The following KCNQ3 variants were observed in gnomAD, a reference collection of about 807,000 sequenced individuals.
The protein encoded by KCNQ3 is potassium voltage-gated channel subfamily KQT member 3.
A neutral mutation model predicts 92.5 loss-of-function variants in KCNQ3; 30 were observed. That is an observed-to-expected ratio of 0.32 (90% confidence interval 0.24 to 0.44). The LOEUF (loss-of-function observed/expected upper bound fraction) is 0.44. KCNQ3 is among the 20% of genes least tolerant of loss of function. The pLI is 1.00. For missense variants in KCNQ3, 913 were observed against 1,140.3 expected (o/e 0.80, Z 2.87); for synonymous variants, 450 against 468.8 (o/e 0.96, Z 0.52).
intron 1 of KCNQ3, among the ~76,000 whole-genome samples, chr8:132,395,073 G>C (rs1170450325): frequency 6.6e-6 from 1 of 152,146 alleles, no homozygotes; most frequent in Non-Finnish European, 1.5e-5. Flanking sequence ...CTTCATTACT[G>C]TTCCCTTCCA....
At chr8:132,142,001 T>C (rs1030188251) in intron 9 of KCNQ3, among the ~76,000 whole-genome samples, 1 of 152,238 alleles carries the variant, frequency 6.6e-6, no homozygotes, top group African/African-American at 2.4e-5. Context: ...TATATCCTGT[T>C]ATTTCAAGGT....
chr8:132,292,855 T>A (rs193214075), intron 1 of KCNQ3, among the ~76,000 whole-genome samples: 2 of 152,278 alleles, frequency 1.3e-5, no homozygotes, highest in African/African-American at 4.8e-5. Context: ...CAGAAGACCC[T>A]AATCCAGAGA....
intron 1 of KCNQ3, among the ~76,000 whole-genome samples, chr8:132,285,439 T>C (rs1219650153): frequency 6.6e-6 from 1 of 152,238 alleles, no homozygotes; most frequent in East Asian, 1.9e-4. Flanking sequence ...ACTGTGTCCA[T>C]GCCCTAGGGC....
intron 9 of KCNQ3, among the ~76,000 whole-genome samples, chr8:132,147,083 C>T (rs1825473666): frequency 6.6e-6 from 1 of 151,748 alleles, no homozygotes; most frequent in Admixed American, 6.6e-5. Context: ...CCATGGGAAG[C>T]AAAAACAACA....
rs150534806 is a variant in KCNQ3, at chr8:132,353,304, G to C, written c.386+126843C>G. 4.4e-3 allele frequency among the ~76,000 whole-genome samples: 670 copies of C among 152,090 alleles called. 3 individuals carry two copies. The highest frequency in any genetic ancestry group is 0.014 in the African/African-American group (589 of 41,484). ...GGGAGGAGGCAGAGGGTGGAAAGAA[G>C]GGAAGGGAAAGGAAGGGAAGGAAGG... On this transcript the variant is annotated intron_variant, in intron 1 of 14. Coordinates refer to ENST00000388996, the MANE Select transcript of KCNQ3 (RefSeq NM_004519.4).
intron 1 of KCNQ3, among the ~76,000 whole-genome samples, chr8:132,338,391 G>A (rs969290576): frequency 3.0e-4 from 45 of 152,200 alleles, no homozygotes; most frequent in African/African-American, 8.0e-4. Context: ...TTTCCTACCT[G>A]TGTGAGCTTG....
At chr8:132,453,863 A>G (rs1821880546) in intron 1 of KCNQ3, among the ~76,000 whole-genome samples, 1 of 152,212 alleles carries the variant, frequency 6.6e-6, no homozygotes, top group African/African-American at 2.4e-5. Context: ...AGCGCCTGCC[A>G]GAAGCGTGTC....
chr8:132,458,592 C>T (rs548874041), intron 1 of KCNQ3, among the ~76,000 whole-genome samples: 23 of 152,164 alleles, frequency 1.5e-4, no homozygotes, highest in Non-Finnish European at 2.8e-4. Flanking sequence ...GTAGCTGGGA[C>T]TACAGACATG....
At chr8:132,306,802 G>A (rs980157390) in intron 1 of KCNQ3, among the ~76,000 whole-genome samples, 1 of 152,138 alleles carries the variant, frequency 6.6e-6, no homozygotes, top group Non-Finnish European at 1.5e-5. Context: ...CATTTCTGGG[G>A]GAAAAGTAAT....
intron 1 of KCNQ3, among the ~76,000 whole-genome samples, chr8:132,434,240 T>A (rs1231998555): frequency 1.3e-5 from 2 of 150,576 alleles, no homozygotes; most frequent in African/African-American, 4.9e-5. Context: ...ATAATAATAA[T>A]AAACAAATAT....
At chr8:132,144,428 C>T (rs1825392057) in intron 9 of KCNQ3, among the ~76,000 whole-genome samples, 1 of 152,332 alleles carries the variant, frequency 6.6e-6, no homozygotes, top group Middle Eastern at 3.4e-3. Context: ...GTATGGATTT[C>T]CAGTGCATAA....
intron 1 of KCNQ3, among the ~76,000 whole-genome samples, chr8:132,313,419 T>G (rs1388695494): frequency 6.6e-6 from 1 of 152,236 alleles, no homozygotes; most frequent in Non-Finnish European, 1.5e-5. Context: ...AATGCAAATT[T>G]TTTTTTAATG....
At chr8:132,179,519 G>A (rs1044063942) in intron 4 of KCNQ3, among the ~76,000 whole-genome samples, 2 of 152,146 alleles carry the variant, frequency 1.3e-5, no homozygotes, top group Non-Finnish European at 2.9e-5. Flanking sequence ...CATGGGATGA[G>A]CTAGTCCTTG....
At chr8:132,230,725 T>G (rs1814618783) in intron 1 of KCNQ3, among the ~76,000 whole-genome samples, 2 of 152,202 alleles carry the variant, frequency 1.3e-5, no homozygotes, top group African/African-American at 4.8e-5. Flanking sequence ...CCAAACTGAT[T>G]TTGTGTGTGT....
intron 1 of KCNQ3, among the ~76,000 whole-genome samples, chr8:132,284,877 T>G (rs1447952572): frequency 2.0e-5 from 3 of 152,238 alleles, no homozygotes; most frequent in African/African-American, 7.2e-5. Context: ...TTAATTCCCA[T>G]GAGGGTGAGC....
chr8:132,326,651 G>A lies in KCNQ3; in HGVS notation c.387-140470C>T, dbSNP rs73710541. Among the ~76,000 whole-genome samples the A allele has an allele frequency of 4.0e-3, 604 of 152,242 alleles. 1 individual carries two copies. The highest frequency in any genetic ancestry group is 0.014 in the African/African-American group (568 of 41,542). ...TGATCTCTTCCCTCCCCACTGCCAG[G>A]CAAGACACAGTGCTCCTCTCCAGAG... On this transcript the variant is annotated intron_variant, in intron 1 of 14. Transcript: ENST00000388996.
At chr8:132,417,361 G>A (rs918622925) in intron 1 of KCNQ3, among the ~76,000 whole-genome samples, 2 of 152,104 alleles carry the variant, frequency 1.3e-5, no homozygotes, top group Non-Finnish European at 2.9e-5. Flanking sequence ...AGGGGACCAA[G>A]TCCTCTCCTC....
intron 4 of KCNQ3, among the ~76,000 whole-genome samples, chr8:132,179,093 G>A (rs943165396): frequency 3.3e-5 from 5 of 149,814 alleles, no homozygotes; most frequent in Non-Finnish European, 5.9e-5. Flanking sequence ...TTCTCCTCTC[G>A]GGATTTTTTT....
chr8:132,446,602 A>G lies in KCNQ3; in HGVS notation c.386+33545T>C, dbSNP rs1367259123. Among the ~76,000 whole-genome samples the G allele has an allele frequency of 4.6e-5, 7 of 152,218 alleles. No homozygotes were observed. In the East Asian group the frequency reaches 1.3e-3, roughly 29 times the overall value. On this transcript the variant is annotated intron_variant, in intron 1 of 14. Coordinates refer to ENST00000388996, the MANE Select transcript of KCNQ3 (RefSeq NM_004519.4). The stretch of plus-strand genomic sequence containing the variant: ...CAAGCAAGGCAACCAGGATGAGTCT[A>G]TGTGTCAGCAAAAATTCCCAGGCAA...
Sources: gnomAD v4.1 joint callset for allele counts (sites outside exome capture counted in the v4.1 genomes callset) on GRCh38, gnomAD v4.1.1 for gene constraint, MANE v1.5 for transcripts, NCBI Gene and HGNC (gene_info 2026-07-23, HGNC 2026-07-21) for gene names.